Variants in MAP3K5 observed in about 807,000 individuals in gnomAD.
The protein encoded by MAP3K5 is ASK-1.
MAP3K5 carries 56 observed loss-of-function variants against 158.7 expected under a neutral mutation model. That is an observed-to-expected ratio of 0.35 (90% CI 0.28 to 0.44). The LOEUF (loss-of-function observed/expected upper bound fraction) is 0.44, where lower values mean the gene tolerates loss of function less well. Ranked by LOEUF, MAP3K5 falls within the 20% of genes least tolerant of loss-of-function variation. The pLI is 1.00. For missense variants in MAP3K5, 1,294 were observed against 1,674.8 expected (o/e 0.77, Z 3.97); for synonymous variants, 579 against 601.7 (o/e 0.96, Z 0.55).
chr6:136,778,029 C>T (rs1784467002), intron 1 of MAP3K5, among the ~76,000 whole-genome samples: 1 of 152,142 alleles, frequency 6.6e-6, no homozygotes, highest in African/African-American at 2.4e-5. Flanking sequence ...AATTCCACTA[C>T]TAGGAAAATA....
intron 17 of MAP3K5, among the ~76,000 whole-genome samples, chr6:136,612,093 A>T (rs1178935548): frequency 1.3e-5 from 2 of 152,140 alleles, no homozygotes; most frequent in African/African-American, 2.4e-5. Flanking sequence ...CCCTATAATT[A>T]CATCCCCAAC....
At chr6:136,649,583 C>T (rs1166585360) in intron 11 of MAP3K5, among the ~76,000 whole-genome samples, 2 of 152,164 alleles carry the variant, frequency 1.3e-5, no homozygotes, top group African/African-American at 2.4e-5. Context: ...AATTCTGATG[C>T]AGAGCCAGGT....
chr6:136,756,316 C>T (rs909002488), intron 1 of MAP3K5, among the ~76,000 whole-genome samples: 1 of 151,922 alleles, frequency 6.6e-6, no homozygotes, highest in African/African-American at 2.4e-5. Context: ...AGACCTGTCT[C>T]AAAAAAACAA....
At chr6:136,782,803 TTC>T (rs1784673372) in intron 1 of MAP3K5, among the ~76,000 whole-genome samples, 1 of 152,196 alleles carries the variant, frequency 6.6e-6, no homozygotes, top group Non-Finnish European at 1.5e-5. Context: ...TTTCAGTTAT[TTC>T]TGTTTTCCTT....
intron 7 of MAP3K5, among the ~76,000 whole-genome samples, chr6:136,674,331 G>T (rs1308985000): frequency 6.6e-6 from 1 of 151,886 alleles, no homozygotes; most frequent in East Asian, 1.9e-4. Flanking sequence ...AAAATCTATT[G>T]ATTATTTAAA....
intron 23 of MAP3K5, among the ~76,000 whole-genome samples, chr6:136,589,877 G>A (rs1354121565): frequency 2.6e-5 from 4 of 152,156 alleles, no homozygotes; most frequent in Non-Finnish European, 5.9e-5. Context: ...TGTTGTGTAA[G>A]CCACCCAGTA....
At chr6:136,626,352 C>T (rs1777038060) in intron 14 of MAP3K5, among the ~76,000 whole-genome samples, 1 of 152,178 alleles carries the variant, frequency 6.6e-6, no homozygotes, top group African/African-American at 2.4e-5. Flanking sequence ...TTACCCATTG[C>T]CAAGTATCCA....
intron 24 of MAP3K5, among the ~76,000 whole-genome samples, chr6:136,581,171 A>G (rs1460719378): frequency 6.6e-6 from 1 of 152,176 alleles, no homozygotes; most frequent in Admixed American, 6.5e-5. Flanking sequence ...TGTCTCTCAT[A>G]AATTTTACTA....
intron 2 of MAP3K5, among the ~76,000 whole-genome samples, chr6:136,720,093 T>C (rs996770062): frequency 6.6e-6 from 1 of 152,168 alleles, no homozygotes; most frequent in Non-Finnish European, 1.5e-5. Flanking sequence ...TACTTTTAGT[T>C]GGGAGACTGG....
At chr6:136,635,717 G>A (rs935046497) in intron 14 of MAP3K5, among the ~76,000 whole-genome samples, 5 of 101,394 alleles carry the variant, frequency 4.9e-5, no homozygotes, top group South Asian at 3.6e-4. Context: ...GTGAGATCCC[G>A]TCTCCACCAA....
chr6:136,561,385 A>G, intron 28 of MAP3K5, 148 bp downstream of exon 28: 1 of 557,212 alleles, frequency 1.8e-6, no homozygotes, highest in Non-Finnish European at 3.2e-6. Context: ...GCTGATTATC[A>G]CGTGCCTACC....
intron 1 of MAP3K5, among the ~76,000 whole-genome samples, chr6:136,789,744 A>G (rs1359019253): frequency 7.8e-6 from 1 of 127,958 alleles, no homozygotes; most frequent in Non-Finnish European, 1.6e-5. Flanking sequence ...TGGAGTGTGC[A>G]GTGGTACAAT....
At chr6:136,695,126 T>C (rs1022614257) in intron 6 of MAP3K5, among the ~76,000 whole-genome samples, 1 of 152,058 alleles carries the variant, frequency 6.6e-6, no homozygotes, top group African/African-American at 2.4e-5. Flanking sequence ...ATTTATTGTT[T>C]TGATGAAATA....
intron 6 of MAP3K5, 26 bp downstream of exon 6, chr6:136,695,925 T>C (rs774717292): frequency 9.7e-5 from 135 of 1,397,538 alleles, no homozygotes; most frequent in Non-Finnish European, 1.3e-4. Flanking sequence ...GTTAACGCAT[T>C]CTGGAAGGGA....
chr6:136,702,518 C>T (rs1370917433), intron 3 of MAP3K5, among the ~76,000 whole-genome samples: 1 of 152,204 alleles, frequency 6.6e-6, no homozygotes, highest in Non-Finnish European at 1.5e-5. Flanking sequence ...TGATCAAGAA[C>T]AGACACCTTA....
chr6:136,716,188 T>C (rs1243495189), intron 2 of MAP3K5, among the ~76,000 whole-genome samples: 1 of 151,948 alleles, frequency 6.6e-6, no homozygotes, highest in Non-Finnish European at 1.5e-5. Flanking sequence ...TTTTACAGTA[T>C]ACATTTAGGG....
At chr6:136,741,092 T>C (rs915033368) in intron 1 of MAP3K5, among the ~76,000 whole-genome samples, 2 of 152,174 alleles carry the variant, frequency 1.3e-5, no homozygotes, top group African/African-American at 4.8e-5. Flanking sequence ...ACAGTAGCAA[T>C]GTGAGCCTCT....
chr6:136,715,699 A>G (rs909045747), intron 2 of MAP3K5, among the ~76,000 whole-genome samples: 1 of 152,152 alleles, frequency 6.6e-6, no homozygotes, highest in Non-Finnish European at 1.5e-5. Context: ...CTGAAGCACT[A>G]ACTGATTTGT....
chr6:136,747,562 A>G (rs1344751710), intron 1 of MAP3K5, among the ~76,000 whole-genome samples: 2 of 152,254 alleles, frequency 1.3e-5, no homozygotes, highest in Non-Finnish European at 2.9e-5. Flanking sequence ...ATGTTTAGCT[A>G]TTAACAGGTC....
Sources: allele counts gnomAD v4.1 joint callset (sites outside exome capture counted in the v4.1 genomes callset), GRCh38; gene constraint gnomAD v4.1.1; transcripts MANE v1.5; gene names NCBI Gene and HGNC (gene_info 2026-07-23, HGNC 2026-07-21).